Variants in OTOF observed in about 807,000 individuals in gnomAD.
OTOF encodes the protein fer-1-like family member 2.
In OTOF, 218 loss-of-function variants were observed where a neutral mutation model predicts 236.8. The ratio of observed to expected loss-of-function variants is 0.92; its 90% CI spans 0.82 to 1.03. The LOEUF is 1.03. Ranked by LOEUF, OTOF falls within the 50% of genes least tolerant of loss-of-function variation. OTOF has a pLI of 0.00. For synonymous variants in OTOF, 1,041 were observed against 1,072.5 expected, an observed-to-expected ratio of 0.97 and a Z score of 0.57; for missense variants, 2,590 against 2,694.4, an observed-to-expected ratio of 0.96 and a Z score of 0.86.
intron 5 of OTOF, among the ~76,000 whole-genome samples, chr2:26,505,543 A>G (rs1666227610): frequency 6.6e-6 from 1 of 152,198 alleles, no homozygotes; most frequent in Non-Finnish European, 1.5e-5. Context: ...CTTCCTGGCA[A>G]TCCTCTGAGG....
chr2:26,493,218 T>C (rs116462713), intron 9 of OTOF, among the ~76,000 whole-genome samples: 1,881 of 152,256 alleles, frequency 0.012, 12 homozygotes, highest in Non-Finnish European at 0.02. Context: ...CAGAGTCAAT[T>C]TGTGGTCACA....
rs1664463921 is a variant in OTOF at position 26,461,594 on chromosome 2, C to T, written c.5533+102G>A. 1.3e-5 allele frequency: 20 copies of T among 1,509,012 alleles called. No homozygotes were observed. In the South Asian group the frequency reaches 2.2e-4, roughly 16 times the overall value. The allele number at this position is 1,509,012 out of a possible 1,614,324, so 93.5% of individuals were successfully genotyped here. The stretch of plus-strand genomic sequence containing the variant: ...GCTCTGATGGACTGGAAGCAATGAC[C>T]CCTTGTCCCCCCAAGGCAGGGCTCT... On this transcript the variant is annotated intron_variant, in intron 43 of 46. Coordinates refer to ENST00000272371, the MANE Select transcript of OTOF (RefSeq NM_194248.3). The surrounding 1 kb of genome is among the most constrained non-coding windows in gnomAD (Gnocchi z 6.2).
chr2:26,471,457 T>C (rs939493930), intron 30 of OTOF, among the ~76,000 whole-genome samples: 1 of 152,132 alleles, frequency 6.6e-6, no homozygotes, highest in African/African-American at 2.4e-5. Context: ...AACCCCCAGA[T>C]GGCAGTTCTC....
chr2:26,524,789 C>A (rs1212249575), intron 3 of OTOF, among the ~76,000 whole-genome samples: 1 of 152,234 alleles, frequency 6.6e-6, no homozygotes. Flanking sequence ...TGCATTCTAG[C>A]CCTGGCTCTA....
At chr2:26,472,744 T>C in intron 29 of OTOF, 95 bp from the exon 30 acceptor site, 1 of 1,281,364 alleles carries the variant, frequency 7.8e-7, no homozygotes, top group Non-Finnish European at 1.1e-6. Flanking sequence ...CTAAAGCTGA[T>C]TCTGGAACTT....
chr2:26,482,702 T>TGTGAGTGGGTGTGCATGC, intron 13 of OTOF, 110 bp from the exon 14 acceptor site: 5 of 853,884 alleles, frequency 5.9e-6, no homozygotes, highest in Non-Finnish European at 5.6e-6. Context: ...TGTGTGCATG[T>TGTGAGTGGGTGTGCATGC]GTGAGTGGGT....
intron 1 of OTOF, among the ~76,000 whole-genome samples, chr2:26,549,303 T>C (rs941734710): frequency 1.3e-5 from 2 of 152,236 alleles, no homozygotes; most frequent in Non-Finnish European, 2.9e-5. Flanking sequence ...CCCATATCTC[T>C]TGTAATAACA....
chr2:26,503,924 A>C, intron 5 of OTOF, 79 bp from the exon 6 acceptor site: 1 of 1,239,046 alleles, frequency 8.1e-7, no homozygotes, highest in Non-Finnish European at 1.2e-6. Flanking sequence ...AGAGCCAAAC[A>C]TGAGAGAACA....
intron 38 of OTOF, 116 bp downstream of exon 38, chr2:26,465,556 G>T: frequency 2.6e-6 from 3 of 1,133,652 alleles, no homozygotes; most frequent in Non-Finnish European, 2.6e-6. Context: ...CAGAGGCCTG[G>T]CCTGGGACAG....
At chr2:26,503,705 G>T in intron 6 of OTOF, 67 bp downstream of exon 6, 1 of 1,422,820 alleles carries the variant, frequency 7.0e-7, no homozygotes. Flanking sequence ...GCCGGGCAGG[G>T]GCTGGAAAGC....
chr2:26,513,021 G>A (rs1221588899), intron 5 of OTOF, among the ~76,000 whole-genome samples: 5 of 152,192 alleles, frequency 3.3e-5, no homozygotes, highest in Non-Finnish European at 7.3e-5. Context: ...AAAGCCGGCA[G>A]AAATCAGGGC....
rs750361050 is a variant in OTOF at position 26,472,328 on chromosome 2, C to T, written c.3864+191G>A. ...CATGCACATTTACATACCACACGCA[C>T]GCGTGTGCATTCCAGGATAGTATTA... On this transcript the variant is annotated intron_variant, in intron 30 of 46. Coordinates refer to ENST00000272371, the MANE Select transcript of OTOF (RefSeq NM_194248.3). 57 of 695,898 alleles carry T rather than the reference C, an allele frequency of 8.2e-5. 1 individual carries two copies. In the Middle Eastern group the frequency reaches 9.7e-4, roughly 12 times the overall value. 43.1% of individuals were successfully genotyped at this position (695,898 alleles called of 1,614,324 possible). A position where few individuals can be genotyped will look rare whatever the true frequency, so the allele number is the denominator to read the frequency against.
At chr2:26,468,604 C>A (rs1390672573) in intron 32 of OTOF, 130 bp from the exon 33 acceptor site, 6 of 772,508 alleles carry the variant, frequency 7.8e-6, no homozygotes, top group East Asian at 2.5e-5. Flanking sequence ...CATTTCAAGT[C>A]CACCATGTGC....
rs1464201777 is a variant in OTOF, at chr2:26,477,871, C to A, written c.2215-122G>T. 6.4e-7 allele frequency: 1 copy of A among 1,552,274 alleles called. No individual in the cohort carries two copies. Among genetic ancestry groups the A allele is most frequent in the East Asian group, 2.4e-5 (1 of 41,060 alleles). Reference sequence around the variant, plus strand: ...CATGATCTGGGAGCTCTCGCTAGGGCCATCCTGAGTATCGGTCATCATGAG... The same window carrying A: ...CATGATCTGGGAGCTCTCGCTAGGGACATCCTGAGTATCGGTCATCATGAG... On this transcript the variant is annotated intron_variant, in intron 18 of 46. Coordinates refer to ENST00000272371, the MANE Select transcript of OTOF (RefSeq NM_194248.3). The surrounding 1 kb of genome is among the most constrained non-coding windows in gnomAD (Gnocchi z 4.7).
Position 26,495,000 on chromosome 2 carries a change from C to T in OTOF, c.839G>A (p.Gly280Asp). ...CATGGATGTGTACTTCTTGTCGTCACCCACCTCCACGCACACCACAGGGTC... is the reference window on the plus strand; with the variant it reads ...CATGGATGTGTACTTCTTGTCGTCATCCACCTCCACGCACACCACAGGGTC... ...NMDPVVCVEV[G>D]DDKKYTSMKE... Residue 280 changes from glycine to aspartate, a missense_variant, in exon 9 of 47, where the codon GGT becomes GAT. Gly to Asp is a moderately conservative substitution (Grantham distance 94). Around this residue, in one of 2 missense-constraint regions of OTOF, gnomAD observed 1,379 missense variants for 1,341.6 expected, o/e 1.03. Transcript: ENST00000272371. 1 of 1,614,170 alleles carries T rather than the reference C, an allele frequency of 6.2e-7. No homozygotes were observed. Among genetic ancestry groups the T allele is most frequent in the Non-Finnish European group, 8.5e-7 (1 of 1,180,000 alleles).
intron 13 of OTOF, 138 bp from the exon 14 acceptor site, chr2:26,482,730 T>C: frequency 1.5e-6 from 1 of 679,340 alleles, no homozygotes; most frequent in Non-Finnish European, 2.5e-6. Context: ...CGTGTGTGAG[T>C]GGATGCATGT....
chr2:26,543,058 G>T (rs1667245114), intron 1 of OTOF, among the ~76,000 whole-genome samples: 1 of 152,170 alleles, frequency 6.6e-6, no homozygotes. Flanking sequence ...GCTGTACAAA[G>T]CTCAGCAAAT....
intron 1 of OTOF, among the ~76,000 whole-genome samples, chr2:26,549,705 A>AGGCAGG (rs1310756665): frequency 3.9e-5 from 6 of 152,208 alleles, no homozygotes; most frequent in Non-Finnish European, 8.8e-5. Context: ...TTCATCTGAG[A>AGGCAGG]GGCAGGGGCA....
rs1256894618 is a variant in OTOF, at chr2:26,464,965, C to G, written c.4864G>C (p.Asp1622His). ...PSQILTRLCK[D>H]GKVDGPHFGP... The stretch of plus-strand genomic sequence containing the variant: ...AAGTGGGGGCCGTCCACTTTGCCGT[C>G]TTTGCAGAGGCGGGTCAGGATCTGG... The change falls in exon 39 of 47, where the codon GAC (aspartate) becomes CAC (histidine). Residue 1622 changes from aspartate (D) to histidine (H), a missense_variant. Physicochemically the swap from Asp to His is moderately conservative, Grantham distance 81 (BLOSUM62 -1). Transcript: ENST00000272371. The G allele has an allele frequency of 7.7e-6, 12 of 1,559,106 alleles. No individual in the cohort carries two copies. The highest frequency in any genetic ancestry group is 1.0e-5 in the Non-Finnish European group (12 of 1,149,782).
Sources: gnomAD v4.1 joint callset for allele counts (sites outside exome capture counted in the v4.1 genomes callset) on GRCh38, gnomAD v4.1.1 for gene constraint, gnomAD v4.1.1 regional missense constraint, Gnocchi (gnomAD v3.1) non-coding constraint, MANE v1.5 for transcripts, NCBI Gene and HGNC (gene_info 2026-07-23, HGNC 2026-07-21) for gene names.